The following ARHGAP12 variants were observed in gnomAD, a reference collection of about 807,000 sequenced individuals.
ARHGAP12 encodes the protein rho GTPase-activating protein 12.
In ARHGAP12, 64 loss-of-function variants were observed where a neutral mutation model predicts 108.6. That is an observed-to-expected ratio of 0.59 (90% CI 0.48 to 0.73). ARHGAP12 has a LOEUF of 0.73. Among genes scored for constraint, ARHGAP12 ranks in the 30% least tolerant of loss-of-function variants. ARHGAP12 has a pLI of 0.00. For missense variants in ARHGAP12, 940 were observed against 1,005.9 expected, an observed-to-expected ratio of 0.93 and a Z score of 0.89; for synonymous variants, 312 against 337.2, an observed-to-expected ratio of 0.93 and a Z score of 0.82.
intron 4 of ARHGAP12, among the ~76,000 whole-genome samples, chr10:31,858,168 G>A (rs1836957378): frequency 6.6e-6 from 1 of 152,122 alleles, no homozygotes; most frequent in Non-Finnish European, 1.5e-5. Flanking sequence ...CCACAACACT[G>A]TACCCCAGCC....
chr10:31,902,053 T>A (rs1009059057), intron 3 of ARHGAP12, among the ~76,000 whole-genome samples: 3 of 152,198 alleles, frequency 2.0e-5, no homozygotes, highest in Admixed American at 6.5e-5. Flanking sequence ...TTGGTAAGTA[T>A]TATTCAGCCT....
At position 31,858,906 on chromosome 10, in the gene ARHGAP12, G is replaced by A. The variant is rs535843912; in HGVS notation, c.948+2489C>T. ...ACCAGTATGGTGCAGACAAAGGAGA[G>A]TAGGGGAAAATAAACCCGACAAGCT... On this transcript the variant is annotated intron_variant, in intron 4 of 19. Coordinates refer to ENST00000344936, the MANE Select transcript of ARHGAP12 (RefSeq NM_018287.7). 3.6e-3 allele frequency among the ~76,000 whole-genome samples: 541 copies of A among 152,288 alleles called. 4 individuals carry two copies. Among genetic ancestry groups the A allele is most frequent in the Middle Eastern group, 6.8e-3 (2 of 294 alleles).
Position 31,908,643 on chromosome 10 carries a change from C to T in ARHGAP12, c.213G>A (p.Glu71=), listed in dbSNP as rs1317380461. The change falls in exon 3 of 20, where the codon GAG becomes GAA. Residue 71 remains glutamate, a synonymous_variant. Transcript: ENST00000344936. The part of the protein sequence containing the change: ...AFYVPAQYVK[E]VTRKALMPPV... ...GTGGCATGAGAGCTTTGCGCGTGAC[C>T]TCCTTCACATACTGGGCTGGCACAT... 6.2e-7 allele frequency: 1 copy of T among 1,614,144 alleles called. No homozygotes were observed. Among genetic ancestry groups the T allele is most frequent in the Non-Finnish European group, 8.5e-7 (1 of 1,180,020 alleles).
At chr10:31,901,527 C>G (rs999955060) in intron 3 of ARHGAP12, among the ~76,000 whole-genome samples, 6 of 103,614 alleles carry the variant, frequency 5.8e-5, no homozygotes, top group African/African-American at 2.5e-4. Flanking sequence ...GAGCAAAAAC[C>G]TGGTCTCAAA....
intron 1 of ARHGAP12, among the ~76,000 whole-genome samples, chr10:31,912,667 C>T (rs1431139759): frequency 6.6e-6 from 1 of 151,912 alleles, no homozygotes; most frequent in Non-Finnish European, 1.5e-5. Flanking sequence ...GGTTAGATAC[C>T]AAGGCAGGTA....
chr10:31,901,555 A>G (rs1023213415), intron 3 of ARHGAP12, among the ~76,000 whole-genome samples: 1 of 151,666 alleles, frequency 6.6e-6, no homozygotes, highest in African/African-American at 2.4e-5. Flanking sequence ...AAAAAAAAAA[A>G]AAAGTTTGAA....
chr10:31,888,311 G>A (rs983566233), intron 3 of ARHGAP12, among the ~76,000 whole-genome samples: 5 of 152,132 alleles, frequency 3.3e-5, no homozygotes, highest in African/African-American at 1.2e-4. Context: ...TTTGGGTGGG[G>A]TCCAATCATG....
At chr10:31,826,627 G>C (rs1333801776) in intron 10 of ARHGAP12, among the ~76,000 whole-genome samples, 1 of 152,178 alleles carries the variant, frequency 6.6e-6, no homozygotes, top group Admixed American at 6.5e-5. Context: ...AAATAACTAT[G>C]AATGAATGAC....
At chr10:31,852,725 A>C in intron 5 of ARHGAP12, 128 bp from the exon 6 acceptor site, 1 of 581,860 alleles carries the variant, frequency 1.7e-6, no homozygotes, top group East Asian at 3.5e-5. Context: ...TGCAACAAAA[A>C]ATTCTTTTTT....
intron 1 of ARHGAP12, among the ~76,000 whole-genome samples, chr10:31,922,180 C>CAAAAAAAAAAAAAAAAA (rs56210740): frequency 1.5e-5 from 1 of 66,120 alleles, no homozygotes; most frequent in Non-Finnish European, 2.8e-5. Context: ...GACCCTGCCT[C>CAAAAAAAAAAAAAAAAA]AAAAAAAAAA....
intron 2 of ARHGAP12, among the ~76,000 whole-genome samples, chr10:31,909,952 G>A (rs1839279812): frequency 6.6e-6 from 1 of 152,090 alleles, no homozygotes; most frequent in African/African-American, 2.4e-5. Flanking sequence ...AGAGGGAGAA[G>A]ACCATCTGAA....
intron 9 of ARHGAP12, 88 bp downstream of exon 9, chr10:31,839,217 T>C: frequency 7.4e-7 from 1 of 1,357,698 alleles, no homozygotes; most frequent in Non-Finnish European, 1.0e-6. Flanking sequence ...ATTTCCAATA[T>C]TCATCTGGCA....
chr10:31,903,717 C>T (rs181513599), intron 3 of ARHGAP12, among the ~76,000 whole-genome samples: 38 of 151,556 alleles, frequency 2.5e-4, no homozygotes, highest in African/African-American at 9.0e-4. Context: ...TGGCAAATGG[C>T]TAGTATCTAA....
chr10:31,868,358 GTATTA>G (rs1837411252), intron 3 of ARHGAP12, among the ~76,000 whole-genome samples: 1 of 151,886 alleles, frequency 6.6e-6, no homozygotes, highest in Admixed American at 6.6e-5. Context: ...CTGGATATTA[GTATTA>G]TATATGTTTT....
intron 1 of ARHGAP12, among the ~76,000 whole-genome samples, chr10:31,916,983 G>A (rs1179457118): frequency 6.6e-6 from 1 of 152,084 alleles, no homozygotes; most frequent in Non-Finnish European, 1.5e-5. Context: ...AACCTATTTA[G>A]CAATGCTAAT....
chr10:31,872,736 C>T (rs1837588137), intron 3 of ARHGAP12, among the ~76,000 whole-genome samples: 1 of 152,148 alleles, frequency 6.6e-6, no homozygotes, highest in Non-Finnish European at 1.5e-5. Context: ...ATGAAAATTT[C>T]ATTAACTATA....
At chr10:31,914,667 G>A (rs144407810) in intron 1 of ARHGAP12, among the ~76,000 whole-genome samples, 3 of 152,112 alleles carry the variant, frequency 2.0e-5, no homozygotes, top group African/African-American at 7.2e-5. Flanking sequence ...GTGGAGAAAG[G>A]GGAACCTTTA....
intron 3 of ARHGAP12, among the ~76,000 whole-genome samples, chr10:31,884,031 C>CA (rs938090175): frequency 7.0e-6 from 1 of 142,752 alleles, no homozygotes. Flanking sequence ...TTTTGTAAGC[C>CA]AAAAAAAGTT....
intron 3 of ARHGAP12, among the ~76,000 whole-genome samples, chr10:31,879,032 G>A (rs1476942012): frequency 6.6e-6 from 1 of 152,172 alleles, no homozygotes; most frequent in East Asian, 1.9e-4. Flanking sequence ...TGCAAAAATA[G>A]AACATAGGTC....
Sources: gnomAD v4.1 joint callset for allele counts (sites outside exome capture counted in the v4.1 genomes callset) on GRCh38, gnomAD v4.1.1 for gene constraint, MANE v1.5 for transcripts, NCBI Gene and HGNC (gene_info 2026-07-23, HGNC 2026-07-21) for gene names.